UGT1A8: variants seen among roughly 807,000 people sequenced by gnomAD.
UGT1A8 encodes the protein UDP glucuronosyltransferase family 1 member A8, also known as UDP-glucuronosyltransferase 1A8.
Under a neutral mutation model 45.3 loss-of-function variants are expected in UGT1A8, and 39 were observed. The observed-to-expected ratio is 0.86, with a 90% confidence interval of 0.67 to 1.12. The LOEUF (loss-of-function observed/expected upper bound fraction) is 1.12, where lower values mean the gene tolerates loss of function less well. UGT1A8 is among the 50% of genes most tolerant of loss of function. The pLI is 0.00. For synonymous variants in UGT1A8, 275 were observed against 249.2 expected (o/e 1.10, Z -0.97); for missense variants, 719 against 664.9 (o/e 1.08, Z -0.90).
intron 1 of UGT1A8, among the ~76,000 whole-genome samples, chr2:233,710,138 A>G (rs1223518956): frequency 6.6e-6 from 1 of 152,228 alleles, no homozygotes; most frequent in Non-Finnish European, 1.5e-5. Context: ...ATTTCATTGT[A>G]TAGATATATC....
chr2:233,746,051 G>T (rs1270238597), intron 1 of UGT1A8, among the ~76,000 whole-genome samples: 3 of 151,680 alleles, frequency 2.0e-5, no homozygotes, highest in Non-Finnish European at 2.9e-5. Flanking sequence ...TGGATGCAGG[G>T]TCTAGAACGA....
At chr2:233,627,451 C>T (rs1156311701) in intron 1 of UGT1A8, among the ~76,000 whole-genome samples, 1 of 152,028 alleles carries the variant, frequency 6.6e-6, no homozygotes, top group Non-Finnish European at 1.5e-5. Context: ...TTTGCATTTT[C>T]TCAAATCACA....
At chr2:233,730,120 A>G in intron 1 of UGT1A8, 3 of 1,552,984 alleles carry the variant, frequency 1.9e-6, no homozygotes, top group Non-Finnish European at 1.7e-6. Context: ...TCTCCTTGTC[A>G]TAATAGCCTT....
chr2:233,624,089 A>G (rs2073056030), intron 1 of UGT1A8, among the ~76,000 whole-genome samples: 2 of 152,172 alleles, frequency 1.3e-5, no homozygotes, highest in South Asian at 4.1e-4. Flanking sequence ...GTTAAATGTT[A>G]TGTTTCTATG....
chr2:233,722,361 T>C (rs28898615), intron 1 of UGT1A8, among the ~76,000 whole-genome samples: 12,155 of 152,314 alleles, frequency 0.08, 624 homozygotes, highest in East Asian at 0.2. Flanking sequence ...TATACAAGAC[T>C]AAAGTTGAAA....
chr2:233,619,663 T>A (rs935485559), intron 1 of UGT1A8, among the ~76,000 whole-genome samples: 3 of 152,152 alleles, frequency 2.0e-5, no homozygotes, highest in African/African-American at 7.2e-5. Flanking sequence ...TTTGAAACTA[T>A]TTTTTTACAG....
chr2:233,760,210 T>A, intron 1 of UGT1A8: 1 of 1,591,180 alleles, frequency 6.3e-7, no homozygotes, highest in African/African-American at 1.4e-5. Flanking sequence ...AAACATTAAC[T>A]TGGTGTATCG....
intron 1 of UGT1A8, among the ~76,000 whole-genome samples, chr2:233,706,423 C>T (rs571614234): frequency 6.6e-6 from 1 of 152,376 alleles, no homozygotes; most frequent in African/African-American, 2.4e-5. Flanking sequence ...CGTGGTCTTT[C>T]AGCCACAGAC....
chr2:233,621,950 A>C (rs1372840201), intron 1 of UGT1A8, among the ~76,000 whole-genome samples: 2 of 152,042 alleles, frequency 1.3e-5, no homozygotes, highest in Non-Finnish European at 2.9e-5. Flanking sequence ...CTCATTGTTC[A>C]ACTCCTACTT....
rs1176429614 is a variant in UGT1A8, at chr2:233,757,538, ATATATATATATATATATATATATG to A, written c.856-9488_856-9465del. Among the ~76,000 whole-genome samples, 814 of 109,752 alleles carry A rather than the reference ATATATATATATATATATATATATG, an allele frequency of 7.4e-3. 44 individuals carry two copies. The highest frequency in any genetic ancestry group is 0.034 in the African/African-American group (774 of 22,608). The allele number at this position is 109,752 out of a possible 152,430, so 72.0% of individuals were successfully genotyped here. ...AGCCAAAATCTTGCCTGTAAGGAAT[ATATATATATATATATATATATATG>A]TATATATGATATAGCTATAGTCTAA... On this transcript the variant is annotated intron_variant, in intron 1 of 4. Coordinates refer to ENST00000373450, the MANE Select transcript of UGT1A8 (RefSeq NM_019076.5).
At chr2:233,729,825 C>A (rs770263678) in intron 1 of UGT1A8, 2 of 1,613,912 alleles carry the variant, frequency 1.2e-6, no homozygotes, top group Non-Finnish European at 1.7e-6. Flanking sequence ...CTTATGCAAG[C>A]CTTGCCTCTG....
chr2:233,719,100 C>T, intron 1 of UGT1A8: 1 of 1,614,270 alleles, frequency 6.2e-7, no homozygotes, highest in East Asian at 2.2e-5. Flanking sequence ...TCGCGTTACG[C>T]TGGGCTACAC....
intron 1 of UGT1A8, among the ~76,000 whole-genome samples, chr2:233,668,279 C>A (rs1008605323): frequency 6.6e-6 from 1 of 152,092 alleles, no homozygotes; most frequent in Non-Finnish European, 1.5e-5. Flanking sequence ...TTGTTTAAAT[C>A]CCACCTATGA....
chr2:233,765,491 C>T (rs1438228783), intron 1 of UGT1A8, among the ~76,000 whole-genome samples: 1 of 152,094 alleles, frequency 6.6e-6, no homozygotes, highest in African/African-American at 2.4e-5. Flanking sequence ...TCATCCTCCA[C>T]AAACTAACAC....
At chr2:233,754,243 C>T (rs1695428431) in intron 1 of UGT1A8, 1 of 170,446 alleles carries the variant, frequency 5.9e-6, no homozygotes. Flanking sequence ...CTCACACTTT[C>T]CCAACGGAAA....
intron 1 of UGT1A8, among the ~76,000 whole-genome samples, chr2:233,709,550 C>G (rs1305349902): frequency 6.6e-6 from 1 of 151,946 alleles, no homozygotes; most frequent in Non-Finnish European, 1.5e-5. Flanking sequence ...TATGTAAGTA[C>G]TTATAAATTT....
At chr2:233,760,974 G>C in intron 1 of UGT1A8, 1 of 1,614,120 alleles carries the variant, frequency 6.2e-7, no homozygotes, top group Non-Finnish European at 8.5e-7. Flanking sequence ...TTTATTCCCC[G>C]TATGCAACCC....
intron 1 of UGT1A8, among the ~76,000 whole-genome samples, chr2:233,714,112 T>G (rs1306472953): frequency 6.6e-6 from 1 of 152,094 alleles, no homozygotes; most frequent in Non-Finnish European, 1.5e-5. Flanking sequence ...GTGGTGTGAC[T>G]CACGGAGACT....
intron 1 of UGT1A8, among the ~76,000 whole-genome samples, chr2:233,639,137 G>C (rs28969688): frequency 0.011 from 1,744 of 152,092 alleles, 37 homozygotes; most frequent in African/African-American, 0.04. Context: ...CTGTGATAGA[G>C]GGATATCTAT....
Sources: gnomAD v4.1 joint callset for allele counts (sites outside exome capture counted in the v4.1 genomes callset) on GRCh38, gnomAD v4.1.1 for gene constraint, MANE v1.5 for transcripts, NCBI Gene and HGNC (gene_info 2026-07-23, HGNC 2026-07-21) for gene names.